Variants in NCAM2 observed in about 807,000 individuals in gnomAD.
The protein encoded by NCAM2 is N-CAM-2.
A neutral mutation model predicts 98.1 loss-of-function variants in NCAM2; 30 were observed. That is an observed-to-expected ratio of 0.31 (90% confidence interval 0.23 to 0.41). The LOEUF (loss-of-function observed/expected upper bound fraction) is 0.41. Among genes scored for constraint, NCAM2 ranks in the 10% least tolerant of loss-of-function variants. The probability of loss-of-function intolerance (pLI) is 1.00; values close to 1 mark genes in which losing one functional copy is unlikely to be tolerated. For missense variants in NCAM2, 867 were observed against 1,005.8 expected (o/e 0.86, Z 1.87); for synonymous variants, 368 against 342.4 (o/e 1.07, Z -0.83).
chr21:21,353,175 A>G (rs952560021), intron 8 of NCAM2, among the ~76,000 whole-genome samples: 1 of 152,182 alleles, frequency 6.6e-6, no homozygotes, highest in Admixed American at 6.5e-5. Flanking sequence ...AGAAAAATGA[A>G]TATGTTAACT....
intron 1 of NCAM2, among the ~76,000 whole-genome samples, chr21:21,118,729 C>A (rs2066613562): frequency 6.6e-6 from 1 of 151,942 alleles, no homozygotes; most frequent in Admixed American, 6.6e-5. Context: ...CCCAATATTT[C>A]TCACCCACAT....
chr21:21,136,343 A>G (rs2067049173), intron 1 of NCAM2, among the ~76,000 whole-genome samples: 2 of 152,242 alleles, frequency 1.3e-5, no homozygotes, highest in East Asian at 1.9e-4. Flanking sequence ...AAACAACCAG[A>G]AACACTGGTG....
chr21:21,282,026 T>C (rs545053783), intron 2 of NCAM2, among the ~76,000 whole-genome samples: 127 of 152,020 alleles, frequency 8.4e-4, no homozygotes, highest in African/African-American at 3.0e-3. Flanking sequence ...ATAGTTATGT[T>C]AATACAAGTA....
intron 1 of NCAM2, among the ~76,000 whole-genome samples, chr21:21,019,059 G>A (rs571224619): frequency 6.6e-6 from 1 of 152,288 alleles, no homozygotes; most frequent in East Asian, 1.9e-4. Flanking sequence ...CAGGCATTGA[G>A]GCCAATGACT....
intron 1 of NCAM2, among the ~76,000 whole-genome samples, chr21:21,171,306 G>A (rs913593227): frequency 6.6e-6 from 1 of 152,098 alleles, no homozygotes; most frequent in African/African-American, 2.4e-5. Flanking sequence ...AAAAAAATTA[G>A]TTAGAACTAA....
chr21:21,345,571 A>G (rs1425541500), intron 8 of NCAM2, among the ~76,000 whole-genome samples: 1 of 152,006 alleles, frequency 6.6e-6, no homozygotes, highest in Non-Finnish European at 1.5e-5. Context: ...TTGAAAATAC[A>G]CAGAGGAGAA....
At chr21:21,269,014 G>A (rs982833247) in intron 1 of NCAM2, among the ~76,000 whole-genome samples, 15 of 152,084 alleles carry the variant, frequency 9.9e-5, no homozygotes, top group African/African-American at 3.6e-4. Context: ...CTTCAGGCTA[G>A]AATCATCCAA....
chr21:21,189,391 G>A (rs936581833), intron 1 of NCAM2, among the ~76,000 whole-genome samples: 1 of 152,040 alleles, frequency 6.6e-6, no homozygotes, highest in Non-Finnish European at 1.5e-5. Flanking sequence ...TTTAAAAATT[G>A]TGCAAATGAG....
Position 21,491,409 on chromosome 21 carries a change from C to A in NCAM2, c.2077+13938C>A, listed in dbSNP as rs546002394. ...GTGATTTTTCTCCAGTTCCTTTGGT[C>A]ATTTCTTTTGTTTTGGGCACCAAAT... is the stretch of plus-strand genomic sequence containing the variant. On this transcript the variant is annotated intron_variant, in intron 15 of 17. Transcript: ENST00000400546. Among the ~76,000 whole-genome samples the A allele has an allele frequency of 1.4e-3, 220 of 151,806 alleles. 1 individual carries two copies. Among genetic ancestry groups the A allele is most frequent in the Non-Finnish European group, 4.9e-4 (33 of 67,678 alleles).
At chr21:21,256,352 C>G (rs1179755834) in intron 1 of NCAM2, among the ~76,000 whole-genome samples, 1 of 152,038 alleles carries the variant, frequency 6.6e-6, no homozygotes, top group South Asian at 2.1e-4. Context: ...GCAAAAAACT[C>G]TGTCTCAAAT....
At chr21:21,492,332 G>A (rs1484087094) in intron 15 of NCAM2, among the ~76,000 whole-genome samples, 1 of 151,768 alleles carries the variant, frequency 6.6e-6, no homozygotes, top group Non-Finnish European at 1.5e-5. Context: ...TGATTGGCCT[G>A]TGGAGAACAA....
intron 1 of NCAM2, among the ~76,000 whole-genome samples, chr21:21,079,069 A>G (rs1439806967): frequency 6.6e-6 from 1 of 152,156 alleles, no homozygotes; most frequent in Non-Finnish European, 1.5e-5. Context: ...GCATCAGGAC[A>G]AATAGCTAAT....
chr21:21,034,887 G>T (rs1271256177), intron 1 of NCAM2, among the ~76,000 whole-genome samples: 2 of 152,056 alleles, frequency 1.3e-5, no homozygotes, highest in African/African-American at 4.8e-5. Flanking sequence ...ACCATATAGG[G>T]TTTTTAAAAG....
intron 1 of NCAM2, among the ~76,000 whole-genome samples, chr21:21,207,457 C>A (rs1397774278): frequency 6.6e-6 from 1 of 151,996 alleles, no homozygotes; most frequent in Non-Finnish European, 1.5e-5. Flanking sequence ...ATCTGTCATG[C>A]CAAGCAAGGA....
chr21:21,375,485 G>T (rs1182621817), intron 9 of NCAM2, among the ~76,000 whole-genome samples: 1 of 151,572 alleles, frequency 6.6e-6, no homozygotes, highest in Non-Finnish European at 1.5e-5. Flanking sequence ...AAATAAAAAT[G>T]GAAAGCATTG....
intron 1 of NCAM2, among the ~76,000 whole-genome samples, chr21:21,011,006 T>C (rs936146181): frequency 6.6e-6 from 1 of 152,032 alleles, no homozygotes; most frequent in African/African-American, 2.4e-5. Context: ...AAATCTAATA[T>C]AGTTTCATGC....
intron 1 of NCAM2, among the ~76,000 whole-genome samples, chr21:21,259,217 GAC>G (rs2071795733): frequency 1.3e-5 from 2 of 152,076 alleles, no homozygotes; most frequent in Admixed American, 1.3e-4. Flanking sequence ...AGCAACAGAG[GAC>G]AGACAAGCCA....
intron 1 of NCAM2, among the ~76,000 whole-genome samples, chr21:20,999,724 A>T (rs2063984867): frequency 1.3e-5 from 2 of 152,212 alleles, no homozygotes. Context: ...TTCAGTTCTA[A>T]GCATTTTTAG....
intron 1 of NCAM2, among the ~76,000 whole-genome samples, chr21:21,221,697 T>C (rs2070174547): frequency 6.6e-6 from 1 of 152,118 alleles, no homozygotes; most frequent in Non-Finnish European, 1.5e-5. Context: ...ACATGGAATT[T>C]TTAAAAAGAA....
Sources: gnomAD v4.1 joint callset for allele counts (sites outside exome capture counted in the v4.1 genomes callset) on GRCh38, gnomAD v4.1.1 for gene constraint, MANE v1.5 for transcripts, NCBI Gene and HGNC (gene_info 2026-07-23, HGNC 2026-07-21) for gene names.